RPS6KA2: variants seen among roughly 807,000 people sequenced by gnomAD.
RPS6KA2 encodes ribosomal protein S6 kinase alpha-2.
A neutral mutation model predicts 91.8 loss-of-function variants in RPS6KA2; 42 were observed. The observed-to-expected ratio is 0.46, with a 90% CI of 0.36 to 0.59. The LOEUF (loss-of-function observed/expected upper bound fraction) is 0.59. Ranked by LOEUF, RPS6KA2 falls within the 20% of genes least tolerant of loss-of-function variation. The pLI, the probability that RPS6KA2 is intolerant of heterozygous loss-of-function variation, is 0.00. For synonymous variants in RPS6KA2, 414 were observed against 393.6 expected (o/e 1.05, Z -0.61); for missense variants, 798 against 978.5 (o/e 0.82, Z 2.46).
At chr6:166,581,188 G>C (rs1784997549) in intron 1 of RPS6KA2, among the ~76,000 whole-genome samples, 1 of 152,040 alleles carries the variant, frequency 6.6e-6, no homozygotes, top group South Asian at 2.1e-4. Context: ...ACTGTGTCTG[G>C]CCAGGGCTGA....
At chr6:166,556,242 T>C (rs1784173803) in intron 1 of RPS6KA2, among the ~76,000 whole-genome samples, 2 of 152,194 alleles carry the variant, frequency 1.3e-5, no homozygotes, top group Non-Finnish European at 1.5e-5. Flanking sequence ...TGGGGTTCTC[T>C]GCTCGGGTTC....
chr6:166,659,684 T>C (rs1207977235), intron 2 of RPS6KA2, among the ~76,000 whole-genome samples: 2 of 152,168 alleles, frequency 1.3e-5, no homozygotes, highest in African/African-American at 4.8e-5. Flanking sequence ...TTATTTTTAG[T>C]GCTGCCACTG....
chr6:166,776,475 AATG>A (rs71827776), intron 2 of RPS6KA2, among the ~76,000 whole-genome samples: 1,742 of 152,316 alleles, frequency 0.011, 38 homozygotes, highest in African/African-American at 0.04. Context: ...TTTTAACATG[AATG>A]ATGAGGTGGC....
intron 2 of RPS6KA2, among the ~76,000 whole-genome samples, chr6:166,535,334 T>G (rs11964417): frequency 0.052 from 7,876 of 152,210 alleles, 661 homozygotes; most frequent in African/African-American, 0.18. Context: ...TGCAAAATCC[T>G]TCAAGCAGGA....
At chr6:166,496,777 G>A (rs753195275) in intron 8 of RPS6KA2, among the ~76,000 whole-genome samples, 4 of 152,222 alleles carry the variant, frequency 2.6e-5, no homozygotes, top group Non-Finnish European at 5.9e-5. Flanking sequence ...GATGTGCAGC[G>A]TGGCCAGCCC....
intron 2 of RPS6KA2, among the ~76,000 whole-genome samples, chr6:166,677,425 G>A (rs1050184092): frequency 6.7e-6 from 1 of 149,742 alleles, no homozygotes; most frequent in Non-Finnish European, 1.5e-5. Flanking sequence ...GTAGTGGCAT[G>A]ATGTCGGCTC....
At chr6:166,630,567 G>A (rs1191959998), upstream of RPS6KA2, among the ~76,000 whole-genome samples, 5 of 152,246 alleles carry the variant, frequency 3.3e-5, no homozygotes, top group Non-Finnish European at 7.3e-5. Context: ...GGCCATCTGC[G>A]AAAGCAGGAA....
In RPS6KA2 at chr6:166,495,864, C is replaced by T. The variant is rs1286896009; in HGVS notation, c.747+2644G>A. The stretch of plus-strand genomic sequence containing the variant: ...GCAAAGGCCACTGGGAGTGGTGCTT[C>T]TGTCTTAGGGCTGATGGTGGAAGGG... On this transcript the variant is annotated intron_variant, in intron 8 of 20. Transcript: ENST00000265678. The surrounding 1 kb of genome is among the most constrained non-coding windows in gnomAD (Gnocchi z 4.4). Among the ~76,000 whole-genome samples, 1 of 152,214 alleles carries T rather than the reference C, an allele frequency of 6.6e-6. No homozygotes were observed. Among genetic ancestry groups the T allele is most frequent in the Non-Finnish European group, 1.5e-5 (1 of 68,036 alleles).
chr6:166,827,254 T>C (rs1180902017), intron 2 of RPS6KA2, among the ~76,000 whole-genome samples: 1 of 18,786 alleles, frequency 5.3e-5, no homozygotes, highest in African/African-American at 1.8e-4. Flanking sequence ...CACAACCTTA[T>C]ACAAAAAAAA....
intron 10 of RPS6KA2, among the ~76,000 whole-genome samples, chr6:166,472,139 G>T (rs1345662817): frequency 6.6e-6 from 1 of 152,244 alleles, no homozygotes; most frequent in Non-Finnish European, 1.5e-5. Flanking sequence ...TTTGTTTGGT[G>T]ACTGTTGGAC....
rs1781754784 is a variant in RPS6KA2, at chr6:166,495,510, T to G, written c.747+2998A>C. 6.6e-6 allele frequency among the ~76,000 whole-genome samples: 1 copy of G among 151,896 alleles called. No individual in the cohort carries two copies. Among genetic ancestry groups the G allele is most frequent in the Admixed American group, 6.6e-5 (1 of 15,254 alleles). On this transcript the variant is annotated intron_variant, in intron 8 of 20. Coordinates refer to ENST00000265678, the MANE Select transcript of RPS6KA2 (RefSeq NM_021135.6). The surrounding 1 kb of genome is among the most constrained non-coding windows in gnomAD (Gnocchi z 4.4). Reference sequence around the variant, plus strand: ...GCTCTCAATATCATCTTCTTCACACTCCAGGGACAGGGAGGGTGGGGACTC... The same window carrying G: ...GCTCTCAATATCATCTTCTTCACACGCCAGGGACAGGGAGGGTGGGGACTC...
chr6:166,748,606 ATT>A (rs1562416247), intron 2 of RPS6KA2, among the ~76,000 whole-genome samples: 33 of 30,466 alleles, frequency 1.1e-3, no homozygotes, highest in East Asian at 2.2e-3. Flanking sequence ...TCAGGCCCCC[ATT>A]TCCCTGGGCC....
At chr6:166,573,832 TAG>T (rs1434519074) in intron 1 of RPS6KA2, among the ~76,000 whole-genome samples, 1 of 152,146 alleles carries the variant, frequency 6.6e-6, no homozygotes, top group African/African-American at 2.4e-5. Flanking sequence ...TGAAAAAAGT[TAG>T]AGAGAACTTT....
intron 1 of RPS6KA2, among the ~76,000 whole-genome samples, chr6:166,590,619 A>G (rs3778381): frequency 0.085 from 12,976 of 152,176 alleles, 693 homozygotes; most frequent in East Asian, 0.25. Context: ...CTCTTGCCCC[A>G]CAACACACAC....
intron 3 of RPS6KA2, among the ~76,000 whole-genome samples, chr6:166,526,628 G>A (rs1458087360): frequency 6.6e-6 from 1 of 152,044 alleles, no homozygotes; most frequent in African/African-American, 2.4e-5. Flanking sequence ...GGGATTACAG[G>A]TGTGACTACC....
At chr6:166,545,242 G>A (rs543202329) in intron 1 of RPS6KA2, among the ~76,000 whole-genome samples, 1 of 152,312 alleles carries the variant, frequency 6.6e-6, no homozygotes, top group Admixed American at 6.5e-5. Context: ...ATCCGCGGAG[G>A]GAAAGCAATG....
chr6:166,797,395 C>G (rs1041745419), intron 2 of RPS6KA2, among the ~76,000 whole-genome samples: 2 of 151,942 alleles, frequency 1.3e-5, no homozygotes, highest in South Asian at 2.1e-4. Context: ...CCTGCAGAGT[C>G]AAAAATCCAT....
intron 1 of RPS6KA2, among the ~76,000 whole-genome samples, chr6:166,602,930 T>C (rs888029752): frequency 6.6e-6 from 1 of 152,128 alleles, no homozygotes; most frequent in Admixed American, 6.5e-5. Flanking sequence ...GTTCACTGAG[T>C]AGAGGAAGTT....
intron 1 of RPS6KA2, among the ~76,000 whole-genome samples, chr6:166,565,306 G>A (rs999267703): frequency 2.0e-5 from 3 of 152,234 alleles, no homozygotes; most frequent in African/African-American, 7.2e-5. Flanking sequence ...GGCGGTGGGG[G>A]CTGGCTTTAA....
Sources: gnomAD v4.1 joint callset for allele counts (sites outside exome capture counted in the v4.1 genomes callset) on GRCh38, gnomAD v4.1.1 for gene constraint, Gnocchi (gnomAD v3.1) non-coding constraint, MANE v1.5 for transcripts, NCBI Gene and HGNC (gene_info 2026-07-23, HGNC 2026-07-21) for gene names.